DIAPH3: variants seen among roughly 807,000 people sequenced by gnomAD.
The protein encoded by DIAPH3 is protein diaphanous homolog 3.
In DIAPH3, 117 loss-of-function variants were observed where a neutral mutation model predicts 144.3. That is an observed-to-expected ratio of 0.81 (90% confidence interval 0.70 to 0.95). DIAPH3 has a LOEUF of 0.95. DIAPH3 is among the 40% of genes least tolerant of loss of function. DIAPH3 has a pLI of 0.00. For synonymous variants in DIAPH3, 519 were observed against 488.9 expected (o/e 1.06, Z -0.81); for missense variants, 1,421 against 1,412.7 (o/e 1.01, Z -0.09).
At chr13:59,686,887 A>G (rs2033246185) in intron 27 of DIAPH3, among the ~76,000 whole-genome samples, 1 of 152,066 alleles carries the variant, frequency 6.6e-6, no homozygotes, top group African/African-American at 2.4e-5. Flanking sequence ...AACATTGCAA[A>G]CACCAGAAGC....
At chr13:60,133,013 A>G in intron 1 of DIAPH3, 24 bp from the exon 2 acceptor site, 1 of 1,557,226 alleles carries the variant, frequency 6.4e-7, no homozygotes, top group African/African-American at 1.4e-5. Flanking sequence ...AAAAGCAATC[A>G]TATTAGTAAT....
intron 20 of DIAPH3, among the ~76,000 whole-genome samples, chr13:59,903,051 T>G (rs2046533845): frequency 6.6e-6 from 1 of 152,110 alleles, no homozygotes; most frequent in African/African-American, 2.4e-5. Context: ...GAGAAGACAG[T>G]AGATTCTGCC....
intron 1 of DIAPH3, among the ~76,000 whole-genome samples, chr13:60,156,937 ATATTTTTT>A (rs1488577877): frequency 4.3e-4 from 23 of 53,722 alleles, no homozygotes; most frequent in Non-Finnish European, 6.0e-4. Flanking sequence ...ATATATATAT[ATATTTTTT>A]TTTTTTTTTT....
At chr13:60,049,076 T>C (rs868279573) in intron 4 of DIAPH3, among the ~76,000 whole-genome samples, 1 of 152,202 alleles carries the variant, frequency 6.6e-6, no homozygotes, top group Non-Finnish European at 1.5e-5. Flanking sequence ...TGAAATACTA[T>C]GCAGCAATAA....
At chr13:60,007,890 C>T (rs1463845150) in intron 9 of DIAPH3, among the ~76,000 whole-genome samples, 1 of 152,076 alleles carries the variant, frequency 6.6e-6, no homozygotes, top group Non-Finnish European at 1.5e-5. Context: ...AAGCCCTAAT[C>T]GACCTAATTG....
chr13:59,907,877 C>A (rs180876435), intron 20 of DIAPH3, among the ~76,000 whole-genome samples: 1 of 152,160 alleles, frequency 6.6e-6, no homozygotes, highest in Admixed American at 6.5e-5. Context: ...CTTCCAATTT[C>A]AACAGAGACA....
At chr13:59,998,709 C>G (rs1335595613) in intron 9 of DIAPH3, among the ~76,000 whole-genome samples, 3 of 152,088 alleles carry the variant, frequency 2.0e-5, no homozygotes, top group African/African-American at 7.2e-5. Flanking sequence ...TACTAGCATA[C>G]TGGCTTATTA....
rs768997088 is a variant in DIAPH3, at chr13:59,924,767, ATACT to A, written c.2170+4_2170+7del. 2.5e-6 allele frequency: 4 copies of A among 1,599,228 alleles called. No homozygotes were observed. The highest frequency in any genetic ancestry group is 1.3e-5 in the African/African-American group (1 of 74,552). On this transcript the variant is annotated splice_donor_5th_base_variant and intron_variant, in intron 18 of 27. Coordinates refer to ENST00000400324, the MANE Select transcript of DIAPH3 (RefSeq NM_001042517.2). ...TGTCTTTGAATGGTATTGGAATATG[ATACT>A]TACAAAGGTTCTGGGCAATTTTAGA...
At position 59,802,667 on chromosome 13, in the gene DIAPH3, A is replaced by ATTATTATTT. The variant is rs1433627853; in HGVS notation, c.3163+8120_3163+8121insAAATAATAA. On this transcript the variant is annotated intron_variant, in intron 25 of 27. Coordinates refer to ENST00000400324, the MANE Select transcript of DIAPH3 (RefSeq NM_001042517.2). ...CTATATTATTATTATTATTATTATTATTTTTTTTTTTTTTTTTTTTTTTTT... is the reference window on the plus strand; with the variant it reads ...CTATATTATTATTATTATTATTATTATTATTATTTTTTTTTTTTTTTTTTTTTTTTTTTT... Among the ~76,000 whole-genome samples, 27 of 23,768 alleles carry ATTATTATTT rather than the reference A, an allele frequency of 1.1e-3. 1 individual carries two copies. The highest frequency in any genetic ancestry group is 1.7e-3 in the Non-Finnish European group (23 of 13,714). The allele number at this position is 23,768 out of a possible 152,430, so 15.6% of individuals were successfully genotyped here.
intron 27 of DIAPH3, among the ~76,000 whole-genome samples, chr13:59,680,005 TG>T (rs1231501270): frequency 6.6e-6 from 1 of 152,184 alleles, no homozygotes; most frequent in Non-Finnish European, 1.5e-5. Flanking sequence ...GTTAGTTCAG[TG>T]GTTCAAAATA....
intron 27 of DIAPH3, among the ~76,000 whole-genome samples, chr13:59,706,608 C>T (rs2138793903): frequency 6.6e-6 from 1 of 152,220 alleles, no homozygotes; most frequent in South Asian, 2.1e-4. Flanking sequence ...TTTACAAACC[C>T]TACTATAGAA....
At chr13:60,070,585 C>T (rs1033583225) in intron 4 of DIAPH3, among the ~76,000 whole-genome samples, 5 of 152,092 alleles carry the variant, frequency 3.3e-5, no homozygotes, top group African/African-American at 7.2e-5. Context: ...GCCCTGGCAT[C>T]GGACTTCATT....
Position 60,073,893 on chromosome 13 carries a change from G to A in DIAPH3, c.495+19735C>T, listed in dbSNP as rs190670414. ...TGATTTGTTTTTATTTTTCCTAATTGAAATGTGGTCCATGTTATCAGGCCA... is the reference window on the plus strand; with the variant it reads ...TGATTTGTTTTTATTTTTCCTAATTAAAATGTGGTCCATGTTATCAGGCCA... On this transcript the variant is annotated intron_variant, in intron 4 of 27. Coordinates refer to ENST00000400324, the MANE Select transcript of DIAPH3 (RefSeq NM_001042517.2). Among the ~76,000 whole-genome samples the A allele has an allele frequency of 2.8e-3, 424 of 152,282 alleles. 1 individual carries two copies. Among genetic ancestry groups the A allele is most frequent in the Middle Eastern group, 0.024 (7 of 292 alleles).
chr13:60,093,512 T>A, intron 4 of DIAPH3, 116 bp downstream of exon 4: 1 of 696,308 alleles, frequency 1.4e-6, no homozygotes. Flanking sequence ...AATTATACAT[T>A]CAGAAGCCCT....
chr13:59,793,727 GT>G (rs34537945), intron 25 of DIAPH3, among the ~76,000 whole-genome samples: 2,534 of 152,240 alleles, frequency 0.017, 78 homozygotes, highest in East Asian at 0.12. Flanking sequence ...AAACTCCCAA[GT>G]TTTTATCACC....
intron 27 of DIAPH3, among the ~76,000 whole-genome samples, chr13:59,672,955 A>C (rs1401758327): frequency 6.6e-6 from 1 of 152,226 alleles, no homozygotes; most frequent in African/African-American, 2.4e-5. Flanking sequence ...GAAGAACTTT[A>C]TTTGCAGAAA....
chr13:60,136,357 T>C (rs2059274461), intron 1 of DIAPH3, among the ~76,000 whole-genome samples: 2 of 151,500 alleles, frequency 1.3e-5, no homozygotes, highest in Admixed American at 6.6e-5. Flanking sequence ...GTAGCCACCG[T>C]GGACATCTAC....
At chr13:60,128,048 T>C (rs2138197275) in intron 2 of DIAPH3, among the ~76,000 whole-genome samples, 1 of 152,200 alleles carries the variant, frequency 6.6e-6, no homozygotes, top group African/African-American at 2.4e-5. Flanking sequence ...TTTCTGATAT[T>C]CTCCCTCCTC....
intron 25 of DIAPH3, among the ~76,000 whole-genome samples, chr13:59,794,095 T>C (rs1218607954): frequency 1.3e-5 from 2 of 152,256 alleles, no homozygotes; most frequent in Non-Finnish European, 2.9e-5. Context: ...TTCTGTGTTA[T>C]ATGATTTTGC....
Sources: gnomAD v4.1 joint callset for allele counts (sites outside exome capture counted in the v4.1 genomes callset) on GRCh38, gnomAD v4.1.1 for gene constraint, MANE v1.5 for transcripts, NCBI Gene and HGNC (gene_info 2026-07-23, HGNC 2026-07-21) for gene names.